POLD1: variants seen among roughly 807,000 people sequenced by gnomAD.
The protein encoded by POLD1 is DNA polymerase delta 1, catalytic subunit, also known as DNA polymerase delta catalytic subunit.
A neutral mutation model predicts 129.7 loss-of-function variants in POLD1; 79 were observed. That is an observed-to-expected ratio of 0.61 (90% CI 0.51 to 0.73). The LOEUF is 0.73. POLD1 is among the 30% of genes least tolerant of loss of function. POLD1 has a pLI of 0.00. For missense variants in POLD1, 1,338 were observed against 1,595.8 expected (o/e 0.84, Z 2.75); for synonymous variants, 714 against 683.3 (o/e 1.04, Z -0.70).
chr19:50,401,506 A>C (rs1258226597), intron 3 of POLD1, among the ~76,000 whole-genome samples: 1 of 149,120 alleles, frequency 6.7e-6, no homozygotes, highest in African/African-American at 2.5e-5. Flanking sequence ...CTCACAAAGC[A>C]CTGGAATCAC....
Position 50,406,663 on chromosome 19 carries a change from T to G in POLD1, c.1494+146T>G. ...CCTGTGACCTTACCTGACGCCCACT[T>G]TTTCCTGACCTCTGACCCCAGATTT... On this transcript the variant is annotated intron_variant, in intron 12 of 26. Transcript: ENST00000440232. The surrounding 1 kb of genome is among the most constrained non-coding windows in gnomAD (Gnocchi z 5.5). 2 of 672,106 alleles carry G rather than the reference T, an allele frequency of 3.0e-6. No individual in the cohort carries two copies. Among genetic ancestry groups the G allele is most frequent in the Non-Finnish European group, 5.3e-6 (2 of 380,028 alleles). 41.6% of individuals were successfully genotyped at this position (672,106 alleles called of 1,614,324 possible).
chr19:50,407,517 A>G, intron 14 of POLD1, 102 bp downstream of exon 14: 1 of 553,122 alleles, frequency 1.8e-6, no homozygotes, highest in South Asian at 4.4e-5. Flanking sequence ...AGGGCAACAT[A>G]GCGAGGCCCC....
intron 1 of POLD1, among the ~76,000 whole-genome samples, chr19:50,390,727 T>TC: frequency 6.6e-6 from 1 of 152,104 alleles, no homozygotes; most frequent in South Asian, 2.1e-4. Context: ...CCTGCGGCCT[T>TC]CCGCAGTGTT....
At position 50,414,939 on chromosome 19, in the gene POLD1, C is replaced by G; in HGVS notation, c.2513C>G (p.Pro838Arg). 1 of 1,608,778 alleles carries G rather than the reference C, an allele frequency of 6.2e-7. No individual in the cohort carries two copies. Among genetic ancestry groups the G allele is most frequent in the Non-Finnish European group, 8.5e-7 (1 of 1,176,940 alleles). Residue 838 changes from proline (P) to arginine (R), a missense_variant, in exon 20 of 27, where the codon CCC (proline) becomes CGC (arginine). This residue lies in a region of POLD1 where 720 missense variants were observed against 1,002.6 expected (regional missense o/e 0.72). Transcript: ENST00000440232. Reference protein sequence around the residue: ...GLEAVRRDNCPLVANLVTASL... With the variant: ...GLEAVRRDNCRLVANLVTASL... ...GAGGCCGTGCGCAGGGACAACTGCC[C>G]CCTCGTGGCCAACCTGGTCACTGCC...
chr19:50,407,109 G>C lies in POLD1; in HGVS notation c.1621G>C (p.Val541Leu), dbSNP rs769479614. The change falls in exon 13 of 27, where the codon GTG becomes CTG. Residue 541 changes from valine (V) to leucine (L), a missense_variant. Val to Leu is a conservative substitution (Grantham distance 32, BLOSUM62 1). This residue lies in a region of POLD1 where 720 missense variants were observed against 1,002.6 expected (regional missense o/e 0.72). Coordinates refer to ENST00000440232, the MANE Select transcript of POLD1 (RefSeq NM_002691.4). ...CGTGGAGATGGCGAGGGTCACTGGC[G>C]TGCCCCTCAGCTACCTGCTCAGTCG... ...NAVEMARVTG[V>L]PLSYLLSRGQ... 3 of 1,613,554 alleles carry C rather than the reference G, an allele frequency of 1.9e-6. No homozygotes were observed. Among genetic ancestry groups the C allele is most frequent in the Non-Finnish European group, 2.5e-6 (3 of 1,179,972 alleles).
intron 19 of POLD1, 111 bp from the exon 20 acceptor site, chr19:50,414,704 A>G: frequency 1.2e-6 from 1 of 869,154 alleles, no homozygotes; most frequent in East Asian, 2.9e-5. Context: ...CACGGCTCCC[A>G]TGTCCTCAAA....
rs2038702037 is a variant in POLD1 at position 50,402,674 on chromosome 19, A to G, written c.903A>G (p.Glu301=). ...LWSDVVSHPP[E]GPWQRIAPLR... The stretch of plus-strand genomic sequence containing the variant: ...CTGACGTGGTCAGTCACCCACCGGA[A>G]GGGCCATGGCAGCGCATTGCGCCCT... The change falls in exon 8 of 27, where the codon GAA becomes GAG. Residue 301 remains glutamate, a synonymous_variant. Transcript: ENST00000440232. The G allele has an allele frequency of 6.2e-7, 1 of 1,600,294 alleles. No individual in the cohort carries two copies. The highest frequency in any genetic ancestry group is 1.7e-5 in the Admixed American group (1 of 58,408).
At chr19:50,397,123 G>T (rs966252238) in intron 1 of POLD1, among the ~76,000 whole-genome samples, 3 of 150,024 alleles carry the variant, frequency 2.0e-5, no homozygotes, top group African/African-American at 7.4e-5. Flanking sequence ...CACAGGCCAG[G>T]CTTGGTGGCT....
chr19:50,401,734 GA>G lies in POLD1; in HGVS notation c.317-43del. On this transcript the variant is annotated intron_variant, in intron 3 of 26. Coordinates refer to ENST00000440232, the MANE Select transcript of POLD1 (RefSeq NM_002691.4). The stretch of plus-strand genomic sequence containing the variant: ...GAGGCTGTGGAGACACACCTTGGAG[GA>G]CCCTGAGAGGCATGGCCGCTGTCTT... 2.5e-6 allele frequency: 4 copies of G among 1,604,498 alleles called. No individual in the cohort carries two copies. In the East Asian group the frequency reaches 8.9e-5, roughly 36 times the overall value.
intron 1 of POLD1, among the ~76,000 whole-genome samples, chr19:50,392,737 A>G (rs181598416): frequency 4.5e-4 from 69 of 152,218 alleles, no homozygotes; most frequent in African/African-American, 1.5e-3. Context: ...TTGGCCTCCC[A>G]AAATGCTGGG....
rs1288565214 is a variant in POLD1 at position 50,406,145 on chromosome 19, C to T, written c.1243-37C>T. On this transcript the variant is annotated intron_variant, in intron 10 of 26. Coordinates refer to ENST00000440232, the MANE Select transcript of POLD1 (RefSeq NM_002691.4). The surrounding 1 kb of genome is among the most constrained non-coding windows in gnomAD (Gnocchi z 5.5). ...GTTCTTCAGGCTTATGTGACGGGGA[C>T]CCGCAGCCTGCTGCACACCCTGCCT... The T allele has an allele frequency of 3.1e-6, 5 of 1,598,868 alleles. No homozygotes were observed. Among genetic ancestry groups the T allele is most frequent in the Non-Finnish European group, 4.3e-6 (5 of 1,169,704 alleles).
chr19:50,403,174 G>C lies in POLD1; in HGVS notation c.1092G>C (p.Leu364=), dbSNP rs139883454. 5.7e-5 allele frequency: 89 copies of C among 1,562,336 alleles called. No individual in the cohort carries two copies. In the African/African-American group the frequency reaches 9.9e-4, roughly 17 times the overall value. ...CCCTGCGGCCCTGTGCCCCCATCCT[G>C]GGTGCCAAGGTGCAGAGCTACGAGA... ...ALTLRPCAPI[L]GAKVQSYEKE... is the part of the protein sequence containing the mutation. Residue 364 remains leucine (L), a synonymous_variant, in exon 9 of 27, where the codon CTG becomes CTC. Transcript: ENST00000440232.
At chr19:50,401,631 C>A in intron 3 of POLD1, 147 bp from the exon 4 acceptor site, 1 of 828,898 alleles carries the variant, frequency 1.2e-6, no homozygotes, top group Non-Finnish European at 2.0e-6. Context: ...GAGATGGGAA[C>A]CAGGGGGGAG....
intron 14 of POLD1, among the ~76,000 whole-genome samples, chr19:50,408,407 A>G (rs1199590223): frequency 1.3e-5 from 2 of 151,772 alleles, no homozygotes; most frequent in Non-Finnish European, 2.9e-5. Flanking sequence ...TCTTTTTTTG[A>G]CACAGGGTCT....
chr19:50,414,952 C>T lies in POLD1; in HGVS notation c.2526C>T (p.Asn842=), dbSNP rs774971120. The T allele has an allele frequency of 6.2e-7, 1 of 1,606,408 alleles. No individual in the cohort carries two copies. Among genetic ancestry groups the T allele is most frequent in the East Asian group, 2.2e-5 (1 of 44,578 alleles). ...GGGACAACTGCCCCCTCGTGGCCAACCTGGTCACTGCCTCACTGCGCCGCC... is the reference window on the plus strand; with the variant it reads ...GGGACAACTGCCCCCTCGTGGCCAATCTGGTCACTGCCTCACTGCGCCGCC... ...VRRDNCPLVA[N]LVTASLRRLL... is the part of the protein sequence containing the mutation. The change falls in exon 20 of 27, where the codon AAC becomes AAT. Residue 842 remains asparagine, a synonymous_variant. Coordinates refer to ENST00000440232, the MANE Select transcript of POLD1 (RefSeq NM_002691.4).
In POLD1 at chr19:50,396,092, T is replaced by G. The variant is rs559457796; in HGVS notation, c.-1-2759T>G. 8.4e-5 allele frequency among the ~76,000 whole-genome samples: 9 copies of G among 107,384 alleles called. No individual in the cohort carries two copies. The East Asian group carries it at 1.6e-3, about 19-fold the overall frequency. The allele number at this position is 107,384 out of a possible 152,430, so 70.4% of individuals were successfully genotyped here. On this transcript the variant is annotated intron_variant, in intron 1 of 26. Transcript: ENST00000440232. ...GTTGTTGTTGGTGGTGGTTTTTTTT[T>G]GTTTTTTTTTTTGAGACAGAATATT...
intron 1 of POLD1, among the ~76,000 whole-genome samples, chr19:50,395,318 G>A (rs375388499): frequency 7.3e-5 from 11 of 151,328 alleles, no homozygotes; most frequent in African/African-American, 2.4e-4. Flanking sequence ...AGTGTAGGCC[G>A]GGCGCGGTGG....
chr19:50,403,076 G>C lies in POLD1; in HGVS notation c.994G>C (p.Asp332His). Reference sequence around the variant, plus strand: ...AGGCATCTTCCCTGAGCCTGAGCGGGACCCTGTCATCCAGATCTGCTCGCT... The same window carrying C: ...AGGCATCTTCCCTGAGCCTGAGCGGCACCCTGTCATCCAGATCTGCTCGCT... ...RKGIFPEPER[D>H]PVIQICSLGL... Residue 332 changes from aspartate (D) to histidine (H), a missense_variant, in exon 9 of 27, where the codon GAC becomes CAC. This residue lies in a region of POLD1 where 720 missense variants were observed against 1,002.6 expected (regional missense o/e 0.72). Transcript: ENST00000440232. 6.4e-7 allele frequency: 1 copy of C among 1,562,830 alleles called. No homozygotes were observed. The highest frequency in any genetic ancestry group is 8.7e-7 in the Non-Finnish European group (1 of 1,153,142).
At chr19:50,403,669 C>G (rs2038756229) in intron 10 of POLD1, 72 bp downstream of exon 10, 6 of 936,878 alleles carry the variant, frequency 6.4e-6, no homozygotes, top group Non-Finnish European at 1.1e-5. Flanking sequence ...GGCCTCCTTC[C>G]CACTCCCTCT....
Sources: gnomAD v4.1 joint callset for allele counts (sites outside exome capture counted in the v4.1 genomes callset) on GRCh38, gnomAD v4.1.1 for gene constraint, gnomAD v4.1.1 regional missense constraint, Gnocchi (gnomAD v3.1) non-coding constraint, MANE v1.5 for transcripts, NCBI Gene and HGNC (gene_info 2026-07-23, HGNC 2026-07-21) for gene names.